Variants in CLCA2 observed in about 807,000 individuals in gnomAD.
CLCA2 encodes chloride channel accessory 2.
Under a neutral mutation model 82.9 loss-of-function variants are expected in CLCA2, and 85 were observed. The ratio of observed to expected loss-of-function variants is 1.03; its 90% CI spans 0.86 to 1.23. The LOEUF (loss-of-function observed/expected upper bound fraction) is 1.23. Ranked by LOEUF, CLCA2 falls within the 50% of genes most tolerant of loss-of-function variation. The probability of loss-of-function intolerance (pLI) is 0.00; values close to 1 mark genes in which losing one functional copy is unlikely to be tolerated. For missense variants in CLCA2, 1,089 were observed against 1,124.8 expected (o/e 0.97, Z 0.45); for synonymous variants, 421 against 391.7 (o/e 1.07, Z -0.88).
rs1416566910 is a variant in CLCA2 at position 86,447,567 on chromosome 1, G to A, written c.1773G>A (p.Val591=). The A allele has an allele frequency of 6.2e-7, 1 of 1,614,094 alleles. No homozygotes were observed. Among genetic ancestry groups the A allele is most frequent in the Non-Finnish European group, 8.5e-7 (1 of 1,180,000 alleles). ...ATCATTCTCTGCAAGCCCTGAAAGT[G>A]ACAGTGACCTCTCGCGCCTCCAACT... ...NTHHSLQALK[V]TVTSRASNSA... Residue 591 remains valine, a synonymous_variant, in exon 11 of 14, where the codon GTG becomes GTA. Transcript: ENST00000370565.
chr1:86,430,862 GC>G lies in CLCA2; in HGVS notation c.478del (p.Arg160GlufsTer26). Reference protein sequence around the residue: ...DNLTAGYGSRGRVFVHEWAHL... With the variant: ...DNLTAGYGSRXRVFVHEWAHL... The stretch of plus-strand genomic sequence containing the variant: ...AAAGCAAAAGTTCTTTCTTCCGCAG[GC>G]CGAGTGTTTGTCCATGAATGGGCCC... On this transcript the variant is annotated frameshift_variant and splice_region_variant, in exon 4 of 14. Coordinates refer to ENST00000370565, the MANE Select transcript of CLCA2 (RefSeq NM_006536.7). LOFTEE classifies it high-confidence loss of function. 6.2e-7 allele frequency: 1 copy of G among 1,612,382 alleles called. No homozygotes were observed. Among genetic ancestry groups the G allele is most frequent in the Non-Finnish European group, 8.5e-7 (1 of 1,179,242 alleles).
intron 7 of CLCA2, among the ~76,000 whole-genome samples, chr1:86,439,928 G>A (rs1254370686): frequency 6.6e-6 from 1 of 151,992 alleles, no homozygotes; most frequent in African/African-American, 2.4e-5. Context: ...TAAACTATGG[G>A]GACACCTTGA....
chr1:86,427,021 A>T (rs951317087), intron 2 of CLCA2, among the ~76,000 whole-genome samples: 5 of 152,178 alleles, frequency 3.3e-5, no homozygotes, highest in African/African-American at 1.2e-4. Context: ...CTTTAACCTC[A>T]GAATGTCAAT....
rs1663061870 is a variant in CLCA2 at position 86,455,596 on chromosome 1, C to T, written c.*69C>T. 9.7e-7 allele frequency: 1 copy of T among 1,029,814 alleles called. No individual in the cohort carries two copies. Among genetic ancestry groups the T allele is most frequent in the Non-Finnish European group, 1.3e-6 (1 of 755,736 alleles). The allele number at this position is 1,029,814 out of a possible 1,614,324, so 63.8% of individuals were successfully genotyped here. A position where few individuals can be genotyped will look rare whatever the true frequency, so the allele number is the denominator to read the frequency against. ...GCCTTCGACTACAAAAACATACTAA[C>T]AAAGTCAAATTAACATCAAAACTGT... On this transcript the variant is annotated 3_prime_UTR_variant, in exon 14 of 14. Coordinates refer to ENST00000370565, the MANE Select transcript of CLCA2 (RefSeq NM_006536.7).
At chr1:86,441,664 T>A in intron 9 of CLCA2, 121 bp downstream of exon 9, 1 of 615,428 alleles carries the variant, frequency 1.6e-6, no homozygotes, top group Non-Finnish European at 2.8e-6. Flanking sequence ...AACAGCTGTG[T>A]ATGGAAGGCT....
At position 86,443,030 on chromosome 1, in the gene CLCA2, A is replaced by AT. The variant is rs35038026; in HGVS notation, c.1489-742dup. Among the ~76,000 whole-genome samples, 199 of 146,892 alleles carry AT rather than the reference A, an allele frequency of 1.4e-3. 4 individuals carry two copies. The highest frequency in any genetic ancestry group is 5.9e-3 in the South Asian group (27 of 4,546). On this transcript the variant is annotated intron_variant, in intron 9 of 13. Transcript: ENST00000370565. ...GTGGCTTATTGTGAATGGCTAAATA[A>AT]TTTTTTTTTTTTTTTGAGATGGAGT...
chr1:86,425,269 G>A (rs1373014147), intron 1 of CLCA2, 70 bp from the exon 2 acceptor site: 2 of 1,125,142 alleles, frequency 1.8e-6, no homozygotes, highest in East Asian at 5.2e-5. Context: ...TACTGTTTAA[G>A]CATACCAGAA....
In CLCA2 at chr1:86,441,486, T is replaced by C. The variant is rs774812585; in HGVS notation, c.1431T>C (p.Ile477=). 4 of 1,612,342 alleles carry C rather than the reference T, an allele frequency of 2.5e-6. No individual in the cohort carries two copies. The highest frequency in any genetic ancestry group is 3.3e-5 in the Admixed American group (2 of 60,000). Residue 477 remains isoleucine, a synonymous_variant, in exon 9 of 14, where the codon ATT becomes ATC. Transcript: ENST00000370565. ...VPDISNSNSM[I]DAFSRISSGT... is the part of the protein sequence containing the mutation. ...ATATATCAAACTCCAATAGCATGAT[T>C]GATGCTTTCAGTAGAATTTCCTCTG...
chr1:86,430,861 G>A lies in CLCA2; in HGVS notation c.476-1G>A, dbSNP rs1421178026. On this transcript the variant is annotated splice_acceptor_variant, in intron 3 of 13. Coordinates refer to ENST00000370565, the MANE Select transcript of CLCA2 (RefSeq NM_006536.7). LOFTEE classifies it high-confidence loss of function. The stretch of plus-strand genomic sequence containing the variant: ...AAAAGCAAAAGTTCTTTCTTCCGCA[G>A]GCCGAGTGTTTGTCCATGAATGGGC... The A allele has an allele frequency of 6.2e-7, 1 of 1,612,462 alleles. No individual in the cohort carries two copies.
At chr1:86,427,674 A>T (rs779740398) in intron 2 of CLCA2, among the ~76,000 whole-genome samples, 1 of 152,164 alleles carries the variant, frequency 6.6e-6, no homozygotes, top group Non-Finnish European at 1.5e-5. Flanking sequence ...TTAACAGCAT[A>T]TTTAACTTTT....
chr1:86,429,476 A>G lies in CLCA2; in HGVS notation c.475+908A>G, dbSNP rs1328107454. 7.2e-5 allele frequency among the ~76,000 whole-genome samples: 11 copies of G among 152,304 alleles called. No individual in the cohort carries two copies. In the East Asian group the frequency reaches 1.7e-3, roughly 24 times the overall value. Reference sequence around the variant, plus strand: ...AAAACCAGCTTCAAGAAGAAATCCCACAAGTCTGGATCTAGGCAAATTCAT... The same window carrying G: ...AAAACCAGCTTCAAGAAGAAATCCCGCAAGTCTGGATCTAGGCAAATTCAT... On this transcript the variant is annotated intron_variant, in intron 3 of 13. Transcript: ENST00000370565.
intron 6 of CLCA2, among the ~76,000 whole-genome samples, chr1:86,435,833 T>C (rs1662596871): frequency 6.6e-6 from 1 of 152,158 alleles, no homozygotes; most frequent in South Asian, 2.1e-4. Context: ...TTTTTCCTAC[T>C]ATTTTTTACT....
Position 86,443,786 on chromosome 1 carries a change from G to A in CLCA2, c.1489-1G>A, listed in dbSNP as rs1188759765. 1 of 1,611,230 alleles carries A rather than the reference G, an allele frequency of 6.2e-7. No homozygotes were observed. The highest frequency in any genetic ancestry group is 8.5e-7 in the Non-Finnish European group (1 of 1,177,720). On this transcript the variant is annotated splice_acceptor_variant, in intron 9 of 13. Transcript: ENST00000370565. LOFTEE classifies it high-confidence loss of function. ...TCTCATATATATCTTCTCTTTAACA[G>A]CTTGAAAGTACAGGTGAAAATGTCA... is the stretch of plus-strand genomic sequence containing the variant.
chr1:86,448,667 GT>G (rs1662903781), intron 11 of CLCA2, among the ~76,000 whole-genome samples: 2 of 152,202 alleles, frequency 1.3e-5, no homozygotes, highest in African/African-American at 4.8e-5. Context: ...AGAGTCTTAA[GT>G]TTGGTAGCCC....
At chr1:86,430,997 T>C (rs1302927870) in intron 4 of CLCA2, 27 bp downstream of exon 4, 5 of 1,482,630 alleles carry the variant, frequency 3.4e-6, no homozygotes, top group Non-Finnish European at 3.7e-6. Context: ...ATGTTATAAT[T>C]CATTATTTAT....
intron 5 of CLCA2, among the ~76,000 whole-genome samples, chr1:86,433,586 A>G (rs1471165252): frequency 1.3e-5 from 2 of 152,204 alleles, no homozygotes; most frequent in Non-Finnish European, 2.9e-5. Context: ...TGAAAGACCT[A>G]CTCATAAATA....
intron 12 of CLCA2, among the ~76,000 whole-genome samples, chr1:86,451,947 C>A (rs1271620285): frequency 6.6e-6 from 1 of 152,006 alleles, no homozygotes; most frequent in Non-Finnish European, 1.5e-5. Context: ...CTCATTAATC[C>A]ATATGCCTTT....
intron 8 of CLCA2, among the ~76,000 whole-genome samples, chr1:86,441,208 A>G (rs1363742176): frequency 6.6e-6 from 1 of 152,132 alleles, no homozygotes; most frequent in Non-Finnish European, 1.5e-5. Context: ...ACTGTACATA[A>G]GTTCTAGGCC....
chr1:86,430,944 T>C lies in CLCA2; in HGVS notation c.558T>C (p.Asn186=). 6.2e-7 allele frequency: 1 copy of C among 1,612,726 alleles called. No individual in the cohort carries two copies. The highest frequency in any genetic ancestry group is 8.5e-7 in the Non-Finnish European group (1 of 1,179,218). ...EYNNDKPFYI[N]GQNQIKVTRC... The stretch of plus-strand genomic sequence containing the variant: ...ACAATGACAAACCTTTCTACATAAA[T>C]GGGCAAAATCAAATTAAAGTGACAA... The change falls in exon 4 of 14, where the codon AAT becomes AAC. Residue 186 remains asparagine, a synonymous_variant. Coordinates refer to ENST00000370565, the MANE Select transcript of CLCA2 (RefSeq NM_006536.7).
Sources: allele counts gnomAD v4.1 joint callset (sites outside exome capture counted in the v4.1 genomes callset), GRCh38; gene constraint gnomAD v4.1.1; transcripts MANE v1.5; gene names NCBI Gene and HGNC (gene_info 2026-07-23, HGNC 2026-07-21).